Variants in NLRP3 observed in about 807,000 individuals in gnomAD.
NLRP3 encodes the protein NLR family pyrin domain containing 3.
NLRP3 carries 48 observed loss-of-function variants against 91.3 expected under a neutral mutation model. The ratio of observed to expected loss-of-function variants is 0.53; its 90% CI spans 0.42 to 0.67. The LOEUF (loss-of-function observed/expected upper bound fraction) is 0.67, where lower values mean the gene tolerates loss of function less well. Among genes scored for constraint, NLRP3 ranks in the 30% least tolerant of loss-of-function variants. NLRP3 has a pLI of 0.00. For synonymous variants in NLRP3, 561 were observed against 507.9 expected (o/e 1.10, Z -1.41); for missense variants, 982 against 1,276.9 (o/e 0.77, Z 3.52).
intron 5 of NLRP3, among the ~76,000 whole-genome samples, chr1:247,431,313 G>A (rs960337985): frequency 1.3e-5 from 2 of 152,170 alleles, no homozygotes; most frequent in Admixed American, 1.3e-4. Context: ...CCTGCTCTGT[G>A]GACGCATGCA....
intron 7 of NLRP3, among the ~76,000 whole-genome samples, chr1:247,441,627 C>T (rs1664245997): frequency 6.6e-6 from 1 of 151,694 alleles, no homozygotes; most frequent in Non-Finnish European, 1.5e-5. Flanking sequence ...GATATCCGTG[C>T]TTGGTAAATG....
intron 7 of NLRP3, among the ~76,000 whole-genome samples, chr1:247,441,002 G>A (rs1325390972): frequency 6.6e-6 from 1 of 152,074 alleles, no homozygotes; most frequent in East Asian, 1.9e-4. Flanking sequence ...AGATAACCCT[G>A]TTTAAAGTCG....
At chr1:247,434,344 C>A in intron 6 of NLRP3, 71 bp downstream of exon 6, 1 of 1,519,340 alleles carries the variant, frequency 6.6e-7, no homozygotes, top group Non-Finnish European at 9.0e-7. Context: ...TTCAGTGAGG[C>A]CCGGTGGGCT....
Position 247,435,986 on chromosome 1 carries a change from C to G in NLRP3, c.2509C>G (p.Leu837Val). Residue 837 changes from leucine to valine, a missense_variant, in exon 7 of 10, where the codon CTC becomes GTC. Around this residue, in one of 5 missense-constraint regions of NLRP3, gnomAD observed 373 missense variants for 431.5 expected, o/e 0.86. Coordinates refer to ENST00000336119, the MANE Select transcript of NLRP3 (RefSeq NM_001243133.2). ...CTATGGAAGGTTGGTCAGCTGCTGC[C>G]TCACATCAGCATGTTGTCAGGATCT... Reference protein sequence around the residue: ...LKKLWLVSCCLTSACCQDLAS... With the variant: ...LKKLWLVSCCVTSACCQDLAS... 6.2e-7 allele frequency: 1 copy of G among 1,614,016 alleles called. No homozygotes were observed. Among genetic ancestry groups the G allele is most frequent in the Admixed American group, 1.7e-5 (1 of 60,024 alleles).
At chr1:247,445,136 C>T (rs1289753111) in intron 9 of NLRP3, among the ~76,000 whole-genome samples, 4 of 152,146 alleles carry the variant, frequency 2.6e-5, no homozygotes, top group Non-Finnish European at 5.9e-5. Flanking sequence ...TAGAACTCGT[C>T]TATGGGTCAT....
chr1:247,440,723 C>T (rs1437646087), intron 7 of NLRP3, among the ~76,000 whole-genome samples: 3 of 151,706 alleles, frequency 2.0e-5, no homozygotes, highest in South Asian at 2.1e-4. Context: ...GCAATCCTCC[C>T]GTCTCAGCCG....
Position 247,448,751 on chromosome 1 carries a change from G to C in NLRP3, c.*247G>C. On this transcript the variant is annotated 3_prime_UTR_variant, in exon 10 of 10. Coordinates refer to ENST00000336119, the MANE Select transcript of NLRP3 (RefSeq NM_001243133.2). The stretch of plus-strand genomic sequence containing the variant: ...GTGTTGTTGTCATCACAGCGCCTCA[G>C]TTAGAGGATGTTCCTCTTGGTGACC... The C allele has an allele frequency of 1.8e-6, 1 of 543,606 alleles. No homozygotes were observed. The highest frequency in any genetic ancestry group is 2.1e-5 in the South Asian group (1 of 48,130). The allele number at this position is 543,606 out of a possible 1,614,324, so 33.7% of individuals were successfully genotyped here.
intron 4 of NLRP3, among the ~76,000 whole-genome samples, chr1:247,428,724 G>A (rs148743352): frequency 0.025 from 3,776 of 152,184 alleles, 149 homozygotes; most frequent in African/African-American, 0.086. Context: ...GGAGGCTGAG[G>A]CAAGAGGATT....
chr1:247,448,330 T>G, intron 9 of NLRP3, 75 bp from the exon 10 acceptor site: 1 of 767,284 alleles, frequency 1.3e-6, no homozygotes, highest in East Asian at 2.5e-5. Flanking sequence ...AATGAAGAGA[T>G]GAGACTTTTA....
chr1:247,417,811 C>T (rs977932172), intron 1 of NLRP3, among the ~76,000 whole-genome samples: 4 of 152,182 alleles, frequency 2.6e-5, no homozygotes, highest in African/African-American at 7.2e-5. Context: ...AGCTTCATCT[C>T]ACTTCAATCC....
At chr1:247,447,544 A>G (rs1664662623) in intron 9 of NLRP3, among the ~76,000 whole-genome samples, 1 of 152,244 alleles carries the variant, frequency 6.6e-6, no homozygotes, top group African/African-American at 2.4e-5. Flanking sequence ...TTATTAGTTA[A>G]GTTGCAAGGG....
At chr1:247,444,560 C>T in intron 8 of NLRP3, 91 bp from the exon 9 acceptor site, 2 of 1,397,852 alleles carry the variant, frequency 1.4e-6, no homozygotes, top group Admixed American at 3.6e-5. Flanking sequence ...TTTTTTTCCA[C>T]CTGAAACAAG....
intron 6 of NLRP3, 109 bp from the exon 7 acceptor site, chr1:247,435,861 C>A: frequency 9.8e-7 from 1 of 1,022,574 alleles, no homozygotes; most frequent in South Asian, 1.3e-5. Context: ...TGTCCACTCC[C>A]TTTCCATGTG....
Position 247,444,551 on chromosome 1 carries a change from T to A in NLRP3, c.2835-100T>A, listed in dbSNP as rs1405380832. The A allele has an allele frequency of 4.6e-6, 6 of 1,312,348 alleles. No individual in the cohort carries two copies. In the African/African-American group the frequency reaches 8.7e-5, roughly 19 times the overall value. The allele number at this position is 1,312,348 out of a possible 1,614,324, so 81.3% of individuals were successfully genotyped here. On this transcript the variant is annotated intron_variant, in intron 8 of 9. Transcript: ENST00000336119. Reference sequence around the variant, plus strand: ...TTAGTCCTGTGCTCCTGTGCTTTTTTTTTTTCCACCTGAAACAAGACAGGC... The same window carrying A: ...TTAGTCCTGTGCTCCTGTGCTTTTTATTTTTCCACCTGAAACAAGACAGGC...
chr1:247,423,882 A>G lies in NLRP3; in HGVS notation c.433A>G (p.Arg145Gly), dbSNP rs1432252750. 1 of 1,613,982 alleles carries G rather than the reference A, an allele frequency of 6.2e-7. No individual in the cohort carries two copies. The highest frequency in any genetic ancestry group is 8.5e-7 in the Non-Finnish European group (1 of 1,180,022). ...RKKYRKYVRS[R>G]FQCIEDRNAR... is the part of the protein sequence containing the mutation. ...GAAGTACAGAAAGTACGTGAGAAGC[A>G]GATTCCAGTGCATTGAAGACAGGAA... The change falls in exon 4 of 10, where the codon AGA (arginine) becomes GGA (glycine). Residue 145 changes from arginine (R) to glycine (G), a missense_variant. Coordinates refer to ENST00000336119, the MANE Select transcript of NLRP3 (RefSeq NM_001243133.2).
At position 247,418,971 on chromosome 1, in the gene NLRP3, C is replaced by T. The variant is rs773673175; in HGVS notation, c.171C>T (p.Ile57=). 1.6e-5 allele frequency: 26 copies of T among 1,613,942 alleles called. No homozygotes were observed. The highest frequency in any genetic ancestry group is 6.7e-5 in the Admixed American group (4 of 59,990). The change falls in exon 2 of 10, where the codon ATC becomes ATT. Residue 57 remains isoleucine, a synonymous_variant. Transcript: ENST00000336119. ...ATGTGGATCTAGCCACGCTAATGAT[C>T]GACTTCAATGGGGAGGAGAAGGCGT... ...ADHVDLATLM[I]DFNGEEKAWA...
intron 7 of NLRP3, among the ~76,000 whole-genome samples, chr1:247,441,193 T>TG (rs1664214308): frequency 1.6e-5 from 1 of 64,268 alleles, no homozygotes; most frequent in African/African-American, 5.4e-5. Flanking sequence ...TCCCTTCCCC[T>TG]CCCCCCCCCC....
chr1:247,419,150 A>G (rs986817092), intron 2 of NLRP3, 73 bp downstream of exon 2: 1 of 919,954 alleles, frequency 1.1e-6, no homozygotes, highest in Non-Finnish European at 1.4e-6. Context: ...ATCTTTATAT[A>G]TATATATATA....
chr1:247,428,161 A>G (rs1663041813), intron 4 of NLRP3, among the ~76,000 whole-genome samples: 1 of 148,936 alleles, frequency 6.7e-6, no homozygotes, highest in Non-Finnish European at 1.5e-5. Context: ...CCATCCCTCT[A>G]GATGGCACCT....
Sources: allele counts gnomAD v4.1 joint callset (sites outside exome capture counted in the v4.1 genomes callset), GRCh38; gene constraint gnomAD v4.1.1; regional missense constraint gnomAD v4.1.1; transcripts MANE v1.5; gene names NCBI Gene and HGNC (gene_info 2026-07-23, HGNC 2026-07-21).